Variants in DNAH14 observed in about 807,000 individuals in gnomAD.
The protein encoded by DNAH14 is dynein axonemal heavy chain 14.
In DNAH14, 478 loss-of-function variants were observed where a neutral mutation model predicts 520.9. The observed-to-expected ratio is 0.92, with a 90% CI of 0.85 to 0.99. The LOEUF is 0.99. Ranked by LOEUF, DNAH14 falls within the 50% of genes least tolerant of loss-of-function variation. DNAH14 has a pLI of 0.00. For missense variants in DNAH14, 4,831 were observed against 5,234.5 expected (o/e 0.92, Z 2.38); for synonymous variants, 1,581 against 1,757.2 (o/e 0.90, Z 2.51).
chr1:225,262,734 T>C (rs1432476870), intron 46 of DNAH14, among the ~76,000 whole-genome samples: 1 of 152,136 alleles, frequency 6.6e-6, no homozygotes, highest in East Asian at 1.9e-4. Context: ...CCATCCTGTT[T>C]TGATTACTAT....
At chr1:225,182,013 C>G (rs1457849239) in intron 36 of DNAH14, among the ~76,000 whole-genome samples, 1 of 151,926 alleles carries the variant, frequency 6.6e-6, no homozygotes, top group Non-Finnish European at 1.5e-5. Context: ...ATGGTGAAAC[C>G]CTGTCTTTAC....
intron 80 of DNAH14, 51 bp from the exon 81 acceptor site, chr1:225,381,332 C>A: frequency 6.7e-7 from 1 of 1,491,978 alleles, no homozygotes; most frequent in Non-Finnish European, 9.0e-7. Context: ...CCATGTAAAG[C>A]CTCTTTTTAA....
At chr1:225,094,240 A>C (rs141166240) in intron 21 of DNAH14, among the ~76,000 whole-genome samples, 2 of 152,346 alleles carry the variant, frequency 1.3e-5, no homozygotes, top group Non-Finnish European at 2.9e-5. Flanking sequence ...CTTCAAGGCT[A>C]CAGTAACCAA....
intron 2 of DNAH14, 51 bp downstream of exon 2, chr1:224,952,830 C>A: frequency 7.5e-7 from 1 of 1,338,298 alleles, no homozygotes; most frequent in Non-Finnish European, 1.0e-6. Context: ...AAGATTTCAG[C>A]AGTGTATGGC....
intron 75 of DNAH14, among the ~76,000 whole-genome samples, chr1:225,362,291 C>T (rs2095500948): frequency 2.0e-5 from 3 of 152,006 alleles, no homozygotes; most frequent in African/African-American, 4.8e-5. Context: ...TTCGTACTTC[C>T]GGGCCGGGCG....
At chr1:225,219,775 T>C (rs916981839) in intron 41 of DNAH14, among the ~76,000 whole-genome samples, 9 of 151,972 alleles carry the variant, frequency 5.9e-5, no homozygotes, top group Non-Finnish European at 4.4e-5. Context: ...TTCCAAACAA[T>C]AGAAAATAGG....
chr1:224,989,331 T>C (rs988787359), intron 8 of DNAH14, among the ~76,000 whole-genome samples: 19 of 152,208 alleles, frequency 1.2e-4, no homozygotes, highest in African/African-American at 4.6e-4. Flanking sequence ...TTATGAGTAA[T>C]TATAAATGGG....
chr1:225,366,933 C>G (rs1358906234), intron 76 of DNAH14, among the ~76,000 whole-genome samples: 1 of 151,888 alleles, frequency 6.6e-6, no homozygotes, highest in African/African-American at 2.4e-5. Context: ...TTGAGTCCTC[C>G]TCTTATGGTA....
At chr1:225,267,520 G>C (rs553981912) in intron 49 of DNAH14, among the ~76,000 whole-genome samples, 36 of 152,070 alleles carry the variant, frequency 2.4e-4, no homozygotes, top group Admixed American at 1.2e-3. Context: ...GTCTCGATCT[G>C]ACCTCGTGAT....
intron 3 of DNAH14, among the ~76,000 whole-genome samples, chr1:224,958,872 A>G (rs2060673058): frequency 1.3e-5 from 2 of 152,130 alleles, no homozygotes; most frequent in South Asian, 4.1e-4. Context: ...ATTGGTACTT[A>G]TCAATGAAGA....
intron 46 of DNAH14, among the ~76,000 whole-genome samples, chr1:225,263,232 A>G (rs785182): frequency 0.13 from 19,314 of 150,554 alleles, 1,391 homozygotes; most frequent in East Asian, 0.31. Flanking sequence ...GTATATATAC[A>G]TATATATACA....
rs755043156 is a variant in DNAH14 at position 225,381,368 on chromosome 1, C to CTTTTTAAAA, written c.12881-13_12881-5dup. 1 of 1,524,160 alleles carries CTTTTTAAAA rather than the reference C, an allele frequency of 6.6e-7. No individual in the cohort carries two copies. The highest frequency in any genetic ancestry group is 1.3e-5 in the South Asian group (1 of 77,068). The allele number at this position is 1,524,160 out of a possible 1,614,324, so 94.4% of individuals were successfully genotyped here. A position where few individuals can be genotyped will look rare whatever the true frequency, so the allele number is the denominator to read the frequency against. On this transcript the variant is annotated splice_polypyrimidine_tract_variant and intron_variant, in intron 80 of 85. Transcript: ENST00000682510. ...TCTGTAAAATATCAAAATTTTATTT[C>CTTTTTAAAA]TTTTTAAAATCCAGATCACGACCCC... is the stretch of plus-strand genomic sequence containing the variant.
intron 76 of DNAH14, 90 bp downstream of exon 76, chr1:225,364,984 A>G: frequency 1.0e-6 from 1 of 961,482 alleles, no homozygotes; most frequent in Non-Finnish European, 1.5e-6. Flanking sequence ...AGTTTAAAAG[A>G]GAAAGCTAAT....
chr1:225,038,771 A>C lies in DNAH14; in HGVS notation c.1436A>C (p.His479Pro), dbSNP rs1016548717. The change falls in exon 12 of 86, where the codon CAT (histidine) becomes CCT (proline). Residue 479 changes from histidine (H) to proline (P), a missense_variant. His to Pro is a moderately conservative substitution (Grantham distance 77). Transcript: ENST00000682510. ...GAACTTGTTGATAATTCAAAGTTAC[A>C]TGCTATTTCTGTTCAAAAGTCAGAA... Reference protein sequence around the residue: ...CEELVDNSKLHAISVQKSEVK... With the variant: ...CEELVDNSKLPAISVQKSEVK... 6.5e-6 allele frequency: 10 copies of C among 1,530,950 alleles called. No homozygotes were observed. Among genetic ancestry groups the C allele is most frequent in the Non-Finnish European group, 8.8e-6 (10 of 1,139,956 alleles). 94.8% of individuals were successfully genotyped at this position (1,530,950 alleles called of 1,614,324 possible). A position where few individuals can be genotyped will look rare whatever the true frequency, so the allele number is the denominator to read the frequency against.
intron 19 of DNAH14, among the ~76,000 whole-genome samples, chr1:225,081,038 G>A (rs1405639599): frequency 6.6e-6 from 1 of 152,152 alleles, no homozygotes; most frequent in Non-Finnish European, 1.5e-5. Flanking sequence ...TTAGGGCACT[G>A]GTCAGAGATG....
At chr1:225,245,524 TCA>T (rs980020676) in intron 43 of DNAH14, among the ~76,000 whole-genome samples, 1 of 151,896 alleles carries the variant, frequency 6.6e-6, no homozygotes, top group Admixed American at 6.6e-5. Context: ...ATGTGCAAAA[TCA>T]CAAGCATTCC....
At position 225,360,693 on chromosome 1, in the gene DNAH14, C is replaced by G; in HGVS notation, c.11789C>G (p.Thr3930Ser). 4 of 1,551,668 alleles carry G rather than the reference C, an allele frequency of 2.6e-6. No homozygotes were observed. Among genetic ancestry groups the G allele is most frequent in the Non-Finnish European group, 3.5e-6 (4 of 1,146,960 alleles). ...CGTTGTTATACAGGGATCGACCTTACCAATATCCTCCTGAGATTTGCACAA... is the reference window on the plus strand; with the variant it reads ...CGTTGTTATACAGGGATCGACCTTAGCAATATCCTCCTGAGATTTGCACAA... ...ILIQTHGIDL[T>S]NILLRFAQEL... The change falls in exon 75 of 86, where the codon ACC becomes AGC. Residue 3930 changes from threonine to serine, a missense_variant. Transcript: ENST00000682510.
At chr1:224,974,969 A>G (rs1399637647) in intron 8 of DNAH14, among the ~76,000 whole-genome samples, 2 of 152,030 alleles carry the variant, frequency 1.3e-5, no homozygotes, top group Admixed American at 6.6e-5. Context: ...CCTTTTCTGC[A>G]TCTATTGAGA....
At position 225,365,925 on chromosome 1, in the gene DNAH14, A is replaced by T. The variant is rs933354522; in HGVS notation, c.12090+1031A>T. Among the ~76,000 whole-genome samples the T allele has an allele frequency of 4.6e-5, 7 of 152,194 alleles. 1 individual carries two copies. Among genetic ancestry groups the T allele is most frequent in the Non-Finnish European group, 1.0e-4 (7 of 68,032 alleles). On this transcript the variant is annotated intron_variant, in intron 76 of 85. Transcript: ENST00000682510. Reference sequence around the variant, plus strand: ...TTTTAAATGTGGCTATAATTAGTGCATACATAAAACTTTATGGGAGTTTTT... The same window carrying T: ...TTTTAAATGTGGCTATAATTAGTGCTTACATAAAACTTTATGGGAGTTTTT...
Sources: allele counts gnomAD v4.1 joint callset (sites outside exome capture counted in the v4.1 genomes callset), GRCh38; gene constraint gnomAD v4.1.1; transcripts MANE v1.5; gene names NCBI Gene and HGNC (gene_info 2026-07-23, HGNC 2026-07-21).